FICD: variants seen among roughly 807,000 people sequenced by gnomAD.
The protein encoded by FICD is FIC domain protein adenylyltransferase, also known as protein adenylyltransferase FICD.
In FICD, 13 loss-of-function variants were observed where a neutral mutation model predicts 28.0. The observed-to-expected ratio is 0.46, with a 90% CI of 0.30 to 0.74. The LOEUF is 0.74. FICD is among the 30% of genes least tolerant of loss of function. The pLI is 0.07. For missense variants in FICD, 576 were observed against 624.5 expected (o/e 0.92, Z 0.83); for synonymous variants, 268 against 266.4 (o/e 1.01, Z -0.06).
At chr12:108,516,617 T>TG (rs1417149079) in intron 1 of FICD, among the ~76,000 whole-genome samples, 5 of 152,204 alleles carry the variant, frequency 3.3e-5, no homozygotes, top group African/African-American at 1.2e-4. Flanking sequence ...CTCAAGTCGT[T>TG]GAAGATTGCA....
chr12:108,519,605 A>G lies in FICD; in HGVS notation c.*130A>G, dbSNP rs545925101. On this transcript the variant is annotated 3_prime_UTR_variant, in exon 3 of 3. Transcript: ENST00000552695. This position sits in a 1 kb window ranked among gnomAD's most constrained non-coding sequence, Gnocchi z 4.5. Reference sequence around the variant, plus strand: ...CTTTACCTCCAAATGTTTTAGTTTTAAAAAAAAAAAAAAACTAAGTTATGA... The same window carrying G: ...CTTTACCTCCAAATGTTTTAGTTTTGAAAAAAAAAAAAAACTAAGTTATGA... 27 of 226,718 alleles carry G rather than the reference A, an allele frequency of 1.2e-4. No homozygotes were observed. The highest frequency in any genetic ancestry group is 2.1e-4 in the Non-Finnish European group (25 of 120,710). 14.0% of individuals were successfully genotyped at this position (226,718 alleles called of 1,614,324 possible). A position where few individuals can be genotyped will look rare whatever the true frequency, so the allele number is the denominator to read the frequency against.
intron 2 of FICD, among the ~76,000 whole-genome samples, chr12:108,517,925 G>A (rs1450279954): frequency 2.0e-5 from 3 of 152,162 alleles, no homozygotes; most frequent in Non-Finnish European, 4.4e-5. Flanking sequence ...GTCCCGGGAT[G>A]GTTGACGCCC....
Position 108,518,270 on chromosome 12 carries a change from GCTC to G in FICD, c.302-126_302-124del, listed in dbSNP as rs1334061622. On this transcript the variant is annotated intron_variant, in intron 2 of 2. Coordinates refer to ENST00000552695, the MANE Select transcript of FICD (RefSeq NM_007076.3). The surrounding 1 kb of genome is among the most constrained non-coding windows in gnomAD (Gnocchi z 4.4). ...AGTACACACGATGCGGCTGCAACAAGCTCCTCAAGGCCAGGGACACAGGCTGGT... is the reference window on the plus strand; with the variant it reads ...AGTACACACGATGCGGCTGCAACAAGCTCAAGGCCAGGGACACAGGCTGGT... 9.0e-6 allele frequency: 7 copies of G among 775,584 alleles called. No homozygotes were observed. The highest frequency in any genetic ancestry group is 8.6e-5 in the South Asian group (6 of 69,496). The allele number at this position is 775,584 out of a possible 1,614,324, so 48.0% of individuals were successfully genotyped here.
rs755975891 is a variant in FICD, at chr12:108,519,043, G to T, written c.945G>T (p.Leu315=). 1 of 1,614,230 alleles carries T rather than the reference G, an allele frequency of 6.2e-7. No homozygotes were observed. The highest frequency in any genetic ancestry group is 1.1e-5 in the South Asian group (1 of 91,088). ...GCAGGTTTCGGACAACACAGGTCCT[G>T]GTCGGACACCACATCCCTCCCCATC... The part of the protein sequence containing the change: ...EAGRFRTTQV[L]VGHHIPPHPQ... Residue 315 remains leucine, a synonymous_variant, in exon 3 of 3, where the codon CTG becomes CTT. Coordinates refer to ENST00000552695, the MANE Select transcript of FICD (RefSeq NM_007076.3). The surrounding 1 kb of genome is among the most constrained non-coding windows in gnomAD (Gnocchi z 4.5).
intron 1 of FICD, among the ~76,000 whole-genome samples, chr12:108,515,566 T>A (rs1871886688): frequency 6.6e-6 from 1 of 152,026 alleles, no homozygotes; most frequent in Non-Finnish European, 1.5e-5. Flanking sequence ...ACGCACTCCT[T>A]CCCTGCACAC....
chr12:108,519,654 T>G lies in FICD; in HGVS notation c.*179T>G. 1 of 556,782 alleles carries G rather than the reference T, an allele frequency of 1.8e-6. No homozygotes were observed. Among genetic ancestry groups the G allele is most frequent in the Non-Finnish European group, 3.1e-6 (1 of 320,002 alleles). The allele number at this position is 556,782 out of a possible 1,614,324, so 34.5% of individuals were successfully genotyped here. A position where few individuals can be genotyped will look rare whatever the true frequency, so the allele number is the denominator to read the frequency against. ...GAAGCCTTGTCTCTAAAATAACTTA[T>G]AATTCAACCAAGCTATTTATTTTCT... On this transcript the variant is annotated 3_prime_UTR_variant, in exon 3 of 3. Transcript: ENST00000552695. This position sits in a 1 kb window ranked among gnomAD's most constrained non-coding sequence, Gnocchi z 4.5.
Position 108,517,093 on chromosome 12 carries a change from C to T in FICD, c.121C>T (p.Leu41=). Residue 41 remains leucine (L), a synonymous_variant, in exon 2 of 3, where the codon CTG becomes TTG. Transcript: ENST00000552695. The part of the protein sequence containing the change: ...SMVLGSLLAL[L]LPLGAVEEQC... ...GGTGCTGGGGTCCCTGCTGGCCCTGCTGCTGCCGCTGGGGGCTGTGGAGGA... is the reference window on the plus strand; with the variant it reads ...GGTGCTGGGGTCCCTGCTGGCCCTGTTGCTGCCGCTGGGGGCTGTGGAGGA... The T allele has an allele frequency of 6.2e-7, 1 of 1,610,432 alleles. No individual in the cohort carries two copies. The highest frequency in any genetic ancestry group is 8.5e-7 in the Non-Finnish European group (1 of 1,178,120).
At position 108,516,928 on chromosome 12, in the gene FICD, T is replaced by C; in HGVS notation, c.-45T>C. 4 of 1,430,236 alleles carry C rather than the reference T, an allele frequency of 2.8e-6. No homozygotes were observed. Among genetic ancestry groups the C allele is most frequent in the Non-Finnish European group, 3.7e-6 (4 of 1,077,556 alleles). The allele number at this position is 1,430,236 out of a possible 1,614,324, so 88.6% of individuals were successfully genotyped here. ...GGCTCCTTGCAGATCCTGCTCTCTC[T>C]CAGCCGCCTGTGGACATGCGCAAAG... On this transcript the variant is annotated 5_prime_UTR_variant, in exon 2 of 3. Transcript: ENST00000552695.
Position 108,519,558 on chromosome 12 carries a change from C to G in FICD, c.*83C>G, listed in dbSNP as rs144328280. The G allele has an allele frequency of 5.5e-5, 44 of 796,844 alleles. No individual in the cohort carries two copies. Among genetic ancestry groups the G allele is most frequent in the Non-Finnish European group, 7.9e-5 (42 of 529,256 alleles). 49.4% of individuals were successfully genotyped at this position (796,844 alleles called of 1,614,324 possible). On this transcript the variant is annotated 3_prime_UTR_variant, in exon 3 of 3. Transcript: ENST00000552695. The surrounding 1 kb of genome is among the most constrained non-coding windows in gnomAD (Gnocchi z 4.5). Reference sequence around the variant, plus strand: ...GCATTTCTAGAAACCTAGTCACTTCCTAAAGCAAAAGGAGAAACATTCTTT... The same window carrying G: ...GCATTTCTAGAAACCTAGTCACTTCGTAAAGCAAAAGGAGAAACATTCTTT...
At chr12:108,516,666 G>A (rs562267738) in intron 1 of FICD, among the ~76,000 whole-genome samples, 3 of 152,322 alleles carry the variant, frequency 2.0e-5, no homozygotes, top group African/African-American at 4.8e-5. Flanking sequence ...CTTAGCACAC[G>A]GCCTGGATTA....
chr12:108,516,883 C>A, intron 1 of FICD, 32 bp from the exon 2 acceptor site: 1 of 1,128,132 alleles, frequency 8.9e-7, no homozygotes. Context: ...CTGAACGTGT[C>A]TGTTTCTCCT....
rs1193276370 is a variant in FICD at position 108,519,729 on chromosome 12, G to A, written c.*254G>A. On this transcript the variant is annotated 3_prime_UTR_variant, in exon 3 of 3. Transcript: ENST00000552695. The surrounding 1 kb of genome is among the most constrained non-coding windows in gnomAD (Gnocchi z 4.5). ...TGTATGGTGTCTGCTGTGTCTTGCTGGTGGCCGTGCTTTAGGGGCAACAGT... is the reference window on the plus strand; with the variant it reads ...TGTATGGTGTCTGCTGTGTCTTGCTAGTGGCCGTGCTTTAGGGGCAACAGT... 5.3e-6 allele frequency: 2 copies of A among 379,334 alleles called. No individual in the cohort carries two copies. The highest frequency in any genetic ancestry group is 8.6e-5 in the Admixed American group (2 of 23,350). 23.5% of individuals were successfully genotyped at this position (379,334 alleles called of 1,614,324 possible). A position where few individuals can be genotyped will look rare whatever the true frequency, so the allele number is the denominator to read the frequency against.
rs1593226737 is a variant in FICD at position 108,517,636 on chromosome 12, T to C, written c.301+363T>C. Among the ~76,000 whole-genome samples, 3 of 152,214 alleles carry C rather than the reference T, an allele frequency of 2.0e-5. No individual in the cohort carries two copies. The South Asian group carries it at 6.2e-4, about 32-fold the overall frequency. On this transcript the variant is annotated intron_variant, in intron 2 of 2. Transcript: ENST00000552695. Reference sequence around the variant, plus strand: ...GAGAGCCTGGGGGCATTCGAGGAACTAAAGGAAGTTGAATGTGTGGGGCTG... The same window carrying C: ...GAGAGCCTGGGGGCATTCGAGGAACCAAAGGAAGTTGAATGTGTGGGGCTG...
At position 108,518,901 on chromosome 12, in the gene FICD, A is replaced by C; in HGVS notation, c.803A>C (p.His268Pro). 6.2e-7 allele frequency: 1 copy of C among 1,614,188 alleles called. No homozygotes were observed. Among genetic ancestry groups the C allele is most frequent in the Non-Finnish European group, 8.5e-7 (1 of 1,180,022 alleles). ...GAGCAGAACGAGGTCATAGGCATGC[A>C]TGCAGCCATGAAGTACATCAACACG... ...LEEQNEVIGMHAAMKYINTTL... is the reference protein window; with the variant it reads ...LEEQNEVIGMPAAMKYINTTL... Residue 268 changes from histidine to proline, a missense_variant, in exon 3 of 3, where the codon CAT becomes CCT. Physicochemically the swap from His to Pro is moderately conservative, Grantham distance 77. Transcript: ENST00000552695. The surrounding 1 kb of genome is among the most constrained non-coding windows in gnomAD (Gnocchi z 4.4).
chr12:108,520,340 C>G lies in FICD; in HGVS notation c.*865C>G, dbSNP rs965534265. 1.3e-5 allele frequency: 2 copies of G among 152,130 alleles called. No homozygotes were observed. The highest frequency in any genetic ancestry group is 2.9e-5 in the Non-Finnish European group (2 of 68,024). The allele number at this position is 152,130 out of a possible 1,614,324, so 9.4% of individuals were successfully genotyped here. ...TATGCTAGTAGGCATCTGCCCTCAC[C>G]CCTCTGCCTGAGTTTTCTGTAGGCA... is the stretch of plus-strand genomic sequence containing the variant. On this transcript the variant is annotated 3_prime_UTR_variant, in exon 3 of 3. Coordinates refer to ENST00000552695, the MANE Select transcript of FICD (RefSeq NM_007076.3).
Position 108,519,049 on chromosome 12 carries a change from ACAC to A in FICD, c.955_957del (p.His319del). On this transcript the variant is annotated inframe_deletion, in exon 3 of 3. Transcript: ENST00000552695. The surrounding 1 kb of genome is among the most constrained non-coding windows in gnomAD (Gnocchi z 4.5). ...TTCGGACAACACAGGTCCTGGTCGG[ACAC>A]CACATCCCTCCCCATCCGCAGGATG... is the stretch of plus-strand genomic sequence containing the variant. 2 of 1,614,228 alleles carry A rather than the reference ACAC, an allele frequency of 1.2e-6. No individual in the cohort carries two copies. The highest frequency in any genetic ancestry group is 1.7e-6 in the Non-Finnish European group (2 of 1,180,036).
rs921470264 is a variant in FICD, at chr12:108,518,925, C to A, written c.827C>A (p.Thr276Lys). ...CATGCAGCCATGAAGTACATCAACA[C>A]GACTCTGGTTTCGCGCATCGGCTCC... The part of the protein sequence containing the change: ...GMHAAMKYIN[T>K]TLVSRIGSVT... The change falls in exon 3 of 3, where the codon ACG becomes AAG. Residue 276 changes from threonine (T) to lysine (K), a missense_variant. By Grantham distance (78) the Thr-to-Lys change is moderately conservative. Transcript: ENST00000552695. This position sits in a 1 kb window ranked among gnomAD's most constrained non-coding sequence, Gnocchi z 4.4. 2 of 1,614,078 alleles carry A rather than the reference C, an allele frequency of 1.2e-6. No individual in the cohort carries two copies. Among genetic ancestry groups the A allele is most frequent in the African/African-American group, 2.7e-5 (2 of 74,932 alleles).
rs1872017730 is a variant in FICD, at chr12:108,519,100, T to C, written c.1002T>C (p.Phe334=). 4 of 1,614,074 alleles carry C rather than the reference T, an allele frequency of 2.5e-6. No individual in the cohort carries two copies. The highest frequency in any genetic ancestry group is 1.3e-5 in the African/African-American group (1 of 74,914). ...ATGTGGAAAAGCAGATGCAGGAGTT[T>C]GTACAGTGGCTCAACTCCGAGGAAG... is the stretch of plus-strand genomic sequence containing the variant. ...PQDVEKQMQE[F]VQWLNSEEAM... Residue 334 remains phenylalanine (F), a synonymous_variant, in exon 3 of 3, where the codon TTT becomes TTC. Transcript: ENST00000552695. The surrounding 1 kb of genome is among the most constrained non-coding windows in gnomAD (Gnocchi z 4.5).
At position 108,517,038 on chromosome 12, in the gene FICD, C is replaced by G. The variant is rs371618378; in HGVS notation, c.66C>G (p.Ser22Arg). The G allele has an allele frequency of 1.5e-5, 24 of 1,582,104 alleles. No individual in the cohort carries two copies. The highest frequency in any genetic ancestry group is 1.7e-4 in the Middle Eastern group (1 of 5,980). ...AACCGAAATGGGTCTCGGTCTGGAGCCGCTTCCTCTGGGTGACGCTGCTGA... is the reference window on the plus strand; with the variant it reads ...AACCGAAATGGGTCTCGGTCTGGAGGCGCTTCCTCTGGGTGACGCTGCTGA... ...VTEPKWVSVWSRFLWVTLLSM... is the reference protein window; with the variant it reads ...VTEPKWVSVWRRFLWVTLLSM... The change falls in exon 2 of 3, where the codon AGC becomes AGG. Residue 22 changes from serine (S) to arginine (R), a missense_variant. Ser to Arg is a moderately radical substitution (Grantham distance 110, BLOSUM62 -1). Coordinates refer to ENST00000552695, the MANE Select transcript of FICD (RefSeq NM_007076.3).
Sources: allele counts gnomAD v4.1 joint callset (sites outside exome capture counted in the v4.1 genomes callset), GRCh38; gene constraint gnomAD v4.1.1; non-coding constraint Gnocchi (gnomAD v3.1); transcripts MANE v1.5; gene names NCBI Gene and HGNC (gene_info 2026-07-23, HGNC 2026-07-21).